Variants in RSPH14 observed in about 807,000 individuals in gnomAD.
RSPH14 encodes rhabdoid tumor deletion region gene 1.
Under a neutral mutation model 26.7 loss-of-function variants are expected in RSPH14, and 20 were observed. That is an observed-to-expected ratio of 0.75 (90% CI 0.53 to 1.09). RSPH14 has a LOEUF of 1.09. RSPH14 is among the 50% of genes least tolerant of loss of function. RSPH14 has a pLI of 0.00. For synonymous variants in RSPH14, 177 were observed against 189.3 expected (o/e 0.93, Z 0.53); for missense variants, 449 against 457.2 (o/e 0.98, Z 0.16).
chr22:23,164,667 C>G, the RSPH14 span, among the ~76,000 whole-genome samples: 3 of 152,186 alleles, frequency 2.0e-5, no homozygotes, highest in East Asian at 5.8e-4. Flanking sequence ...AGCCAAGGTG[C>G]GGCAATGACC....
chr22:23,089,984 G>GCATGTC (rs1160846775), intron 4 of RSPH14, among the ~76,000 whole-genome samples: 3 of 152,144 alleles, frequency 2.0e-5, no homozygotes, highest in Non-Finnish European at 4.4e-5. Context: ...GTCGAACCTG[G>GCATGTC]TGCCTGGCCC....
chr22:23,174,022 T>C, the RSPH14 span, among the ~76,000 whole-genome samples: 2 of 151,928 alleles, frequency 1.3e-5, no homozygotes, highest in East Asian at 1.9e-4. Context: ...TATTCTTTCA[T>C]CTGTTGACTG....
intron 4 of RSPH14, among the ~76,000 whole-genome samples, chr22:23,084,928 G>C (rs1281874574): frequency 6.6e-6 from 1 of 152,210 alleles, no homozygotes; most frequent in Non-Finnish European, 1.5e-5. Context: ...GCACGTCCAG[G>C]TGCCATTGCA....
intron 4 of RSPH14, chr22:23,095,268 G>A (rs978675309): frequency 1.0e-5 from 2 of 194,264 alleles, no homozygotes; most frequent in African/African-American, 4.7e-5. Context: ...GATGCACAGT[G>A]GGAGCCGGAG....
At chr22:23,158,182 A>G in the RSPH14 span, 1 of 1,502,092 alleles carries the variant, frequency 6.7e-7, no homozygotes, top group Non-Finnish European at 8.8e-7. Flanking sequence ...CCAGCTGCCC[A>G]CGGACTACTT....
chr22:23,091,513 C>T (rs2068975760), intron 4 of RSPH14, among the ~76,000 whole-genome samples: 1 of 150,986 alleles, frequency 6.6e-6, no homozygotes, highest in Admixed American at 6.6e-5. Context: ...TGCATACATG[C>T]ACACACACCG....
chr22:23,087,372 G>C (rs1461705425), intron 4 of RSPH14, among the ~76,000 whole-genome samples: 1 of 152,216 alleles, frequency 6.6e-6, no homozygotes, highest in African/African-American at 2.4e-5. Flanking sequence ...GCTCAGGTGG[G>C]AGGATCGCTT....
At chr22:23,134,597 G>A (rs1028813049) in intron 3 of RSPH14, among the ~76,000 whole-genome samples, 14 of 149,754 alleles carry the variant, frequency 9.3e-5, no homozygotes, top group African/African-American at 3.2e-4. Flanking sequence ...GGGCGCAGTG[G>A]CTCACACTTG....
At chr22:23,114,579 C>T (rs1223729588) in intron 4 of RSPH14, among the ~76,000 whole-genome samples, 1 of 152,238 alleles carries the variant, frequency 6.6e-6, no homozygotes, top group African/African-American at 2.4e-5. Context: ...CCAGCACTAT[C>T]TGCAGCAGTG....
intron 4 of RSPH14, among the ~76,000 whole-genome samples, chr22:23,105,434 C>T (rs1270978168): frequency 6.6e-6 from 1 of 152,264 alleles, no homozygotes; most frequent in Non-Finnish European, 1.5e-5. Flanking sequence ...TTTCTCATGT[C>T]CCTCCCAGGA....
upstream of RSPH14, chr22:23,146,796 A>G: frequency 1.4e-6 from 2 of 1,450,972 alleles, no homozygotes; most frequent in Admixed American, 2.4e-5. Flanking sequence ...AGGTCTGTCC[A>G]TTGTCAGATT....
chr22:23,113,581 C>G (rs149003838), intron 4 of RSPH14, among the ~76,000 whole-genome samples: 1 of 152,370 alleles, frequency 6.6e-6, no homozygotes, highest in African/African-American at 2.4e-5. Context: ...CGACTGATAC[C>G]ATCCTTGGAG....
intron 4 of RSPH14, among the ~76,000 whole-genome samples, chr22:23,089,088 T>G (rs2068891575): frequency 6.6e-6 from 1 of 151,296 alleles, no homozygotes; most frequent in Non-Finnish European, 1.5e-5. Flanking sequence ...TCCTGGGAGG[T>G]GAGGAGGGAG....
At chr22:23,078,252 C>A (rs2068561783) in intron 4 of RSPH14, among the ~76,000 whole-genome samples, 1 of 152,242 alleles carries the variant, frequency 6.6e-6, no homozygotes, top group Non-Finnish European at 1.5e-5. Flanking sequence ...CTCCATTATC[C>A]AATTTCGGAT....
intron 4 of RSPH14, among the ~76,000 whole-genome samples, chr22:23,115,964 G>C (rs1031514345): frequency 1.3e-5 from 2 of 152,354 alleles, no homozygotes; most frequent in Middle Eastern, 3.4e-3. Flanking sequence ...GTTGGCTGAG[G>C]GCCTGGGCCA....
chr22:23,130,125 AAGAAAGAAAGAAAGAAAGAAAGAAAG>A (rs2070306416), intron 4 of RSPH14, among the ~76,000 whole-genome samples: 2 of 107,780 alleles, frequency 1.9e-5, no homozygotes, highest in African/African-American at 6.4e-5. Flanking sequence ...GAAAGAAAGA[AAGAAAGAAAGAAAGAAAGAAAGAAAG>A]AAAGAAAGAA....
At chr22:23,096,776 C>G (rs1455560700) in intron 4 of RSPH14, among the ~76,000 whole-genome samples, 1 of 152,250 alleles carries the variant, frequency 6.6e-6, no homozygotes, top group Admixed American at 6.5e-5. Context: ...GCAGCCACCC[C>G]TGCAACCCCA....
chr22:23,117,837 T>A (rs2069895590), intron 4 of RSPH14, among the ~76,000 whole-genome samples: 1 of 152,186 alleles, frequency 6.6e-6, no homozygotes, highest in Admixed American at 6.5e-5. Flanking sequence ...CCCCTTTGTG[T>A]CACCAGGAGA....
rs576159742 is a variant in RSPH14 at position 23,071,414 on chromosome 22, T to C, written c.422-7281A>G. On this transcript the variant is annotated intron_variant, in intron 4 of 6. Transcript: ENST00000216036. The surrounding 1 kb of genome is among the most constrained non-coding windows in gnomAD (Gnocchi z 4.1). ...AGACCAGCGTTCCGCGTAGTCCGTGTTGGGGTGGAGGGACCCGCCTGGTAG... is the reference window on the plus strand; with the variant it reads ...AGACCAGCGTTCCGCGTAGTCCGTGCTGGGGTGGAGGGACCCGCCTGGTAG... 6.6e-6 allele frequency among the ~76,000 whole-genome samples: 1 copy of C among 152,308 alleles called. No homozygotes were observed. Among genetic ancestry groups the C allele is most frequent in the Non-Finnish European group, 1.5e-5 (1 of 68,018 alleles).
Sources: allele counts gnomAD v4.1 joint callset (sites outside exome capture counted in the v4.1 genomes callset), GRCh38; gene constraint gnomAD v4.1.1; non-coding constraint Gnocchi (gnomAD v3.1); transcripts MANE v1.5; gene names NCBI Gene and HGNC (gene_info 2026-07-23, HGNC 2026-07-21).